The following ANO2 variants were observed in gnomAD, a reference collection of about 807,000 sequenced individuals.
ANO2 encodes the protein anoctamin 2.
ANO2 carries 101 observed loss-of-function variants against 124.2 expected under a neutral mutation model. That is an observed-to-expected ratio of 0.81 (90% CI 0.69 to 0.96). The LOEUF (loss-of-function observed/expected upper bound fraction) is 0.96, where lower values mean the gene tolerates loss of function less well. Among genes scored for constraint, ANO2 ranks in the 40% least tolerant of loss-of-function variants. The pLI is 0.00. For missense variants in ANO2, 1,293 were observed against 1,274.5 expected, an observed-to-expected ratio of 1.01 and a Z score of -0.22; for synonymous variants, 486 against 482.5, an observed-to-expected ratio of 1.01 and a Z score of -0.09.
At chr12:5,816,775 C>T (rs888956600) in intron 7 of ANO2, among the ~76,000 whole-genome samples, 1 of 152,180 alleles carries the variant, frequency 6.6e-6, no homozygotes, top group Non-Finnish European at 1.5e-5. Context: ...GCCTCCTCCC[C>T]TGTGTCCCAA....
intron 19 of ANO2, among the ~76,000 whole-genome samples, chr12:5,606,592 G>A (rs928848523): frequency 2.0e-5 from 3 of 152,162 alleles, no homozygotes; most frequent in Non-Finnish European, 4.4e-5. Context: ...AAAGCAAGTT[G>A]GTTTGGAGGA....
At chr12:5,798,765 T>C (rs1261659278) in intron 10 of ANO2, among the ~76,000 whole-genome samples, 2 of 152,230 alleles carry the variant, frequency 1.3e-5, no homozygotes, top group Non-Finnish European at 2.9e-5. Context: ...TAGCACTTAG[T>C]GGCCAGGCCC....
At chr12:5,841,770 T>G (rs1283497600) in intron 4 of ANO2, among the ~76,000 whole-genome samples, 1 of 152,210 alleles carries the variant, frequency 6.6e-6, no homozygotes, top group Non-Finnish European at 1.5e-5. Context: ...CGTCTTCTCT[T>G]CCTCTCCCCC....
intron 10 of ANO2, among the ~76,000 whole-genome samples, chr12:5,759,152 C>A (rs79322405): frequency 1.4e-3 from 194 of 136,802 alleles, no homozygotes; most frequent in East Asian, 3.6e-3. Context: ...CCAAAAGTTA[C>A]AAAAAAAAAA....
At position 5,901,421 on chromosome 12, in the gene ANO2, A is replaced by G. The variant is rs1461734978; in HGVS notation, c.534+19619T>C. Among the ~76,000 whole-genome samples the G allele has an allele frequency of 2.0e-5, 3 of 152,164 alleles. 1 individual carries two copies. Among genetic ancestry groups the G allele is most frequent in the Non-Finnish European group, 2.9e-5 (2 of 68,030 alleles). ...CTTTGCCTCCCTGGAGGCCACCACT[A>G]TGTGGACCAAGGGTTTGAGATGGCA... On this transcript the variant is annotated intron_variant, in intron 3 of 24. Transcript: ENST00000682330.
intron 10 of ANO2, among the ~76,000 whole-genome samples, chr12:5,766,475 C>T (rs1208142479): frequency 6.6e-6 from 1 of 152,178 alleles, no homozygotes; most frequent in African/African-American, 2.4e-5. Context: ...TTGTATTCTT[C>T]TATTTATATT....
chr12:5,596,518 A>C (rs1276945742), intron 20 of ANO2, among the ~76,000 whole-genome samples: 1 of 152,146 alleles, frequency 6.6e-6, no homozygotes, highest in African/African-American at 2.4e-5. Context: ...ATTCATTTTA[A>C]GGTGTGGGGT....
intron 3 of ANO2, among the ~76,000 whole-genome samples, chr12:5,880,480 A>T (rs186320155): frequency 6.6e-6 from 1 of 152,200 alleles, no homozygotes; most frequent in East Asian, 1.9e-4. Flanking sequence ...TGATACTTCA[A>T]TGACAGATAA....
chr12:5,628,419 G>A (rs910668594), intron 16 of ANO2, among the ~76,000 whole-genome samples: 1 of 152,186 alleles, frequency 6.6e-6, no homozygotes, highest in Non-Finnish European at 1.5e-5. Context: ...AAACTTTTCT[G>A]GGGAACAAGG....
At chr12:5,723,632 G>T (rs1950324411) in intron 14 of ANO2, among the ~76,000 whole-genome samples, 1 of 151,310 alleles carries the variant, frequency 6.6e-6, no homozygotes, top group Non-Finnish European at 1.5e-5. Context: ...GGGGGGCGGG[G>T]GCGCGGGTAG....
chr12:5,828,242 G>C (rs968909852), intron 6 of ANO2, among the ~76,000 whole-genome samples: 1 of 152,060 alleles, frequency 6.6e-6, no homozygotes, highest in Admixed American at 6.5e-5. Context: ...GTTCTGTCTG[G>C]CGGGTCCCGG....
chr12:5,667,472 T>C (rs1947787093), intron 14 of ANO2, among the ~76,000 whole-genome samples: 2 of 151,800 alleles, frequency 1.3e-5, no homozygotes, highest in Non-Finnish European at 2.9e-5. Flanking sequence ...TAGGATTGTA[T>C]AAGTGTGAGT....
intron 7 of ANO2, among the ~76,000 whole-genome samples, chr12:5,809,816 C>T (rs12310863): frequency 0.075 from 11,373 of 152,222 alleles, 624 homozygotes; most frequent in African/African-American, 0.16. Context: ...CTCACCTGTG[C>T]GTCTCACCGC....
intron 1 of ANO2, among the ~76,000 whole-genome samples, chr12:5,939,864 G>A (rs79996729): frequency 7.2e-5 from 11 of 152,318 alleles, no homozygotes; most frequent in Non-Finnish European, 1.2e-4. Context: ...AGGAGAACAT[G>A]GATTTTGGTA....
Position 5,921,326 on chromosome 12 carries a change from A to C in ANO2, c.248T>G (p.Leu83Trp). 3 of 1,614,008 alleles carry C rather than the reference A, an allele frequency of 1.9e-6. No homozygotes were observed. In the South Asian group the frequency reaches 3.3e-5, roughly 18 times the overall value. Residue 83 changes from leucine to tryptophan, a missense_variant, in exon 3 of 25, where the codon TTG becomes TGG. Leu to Trp is a moderately conservative substitution (Grantham distance 61, BLOSUM62 -2). Coordinates refer to ENST00000682330, the MANE Select transcript of ANO2 (RefSeq NM_001364791.2). The stretch of plus-strand genomic sequence containing the variant: ...GTGCATGCGGCTAAGACGGGCCTCC[A>C]AGGACACAGGCTCATTGGCATCCAG... ...NYLDANEPVS[L>W]EARLSRMHFH...
At chr12:5,610,732 A>G (rs998740418) in intron 19 of ANO2, among the ~76,000 whole-genome samples, 14 of 140,542 alleles carry the variant, frequency 1.0e-4, no homozygotes, top group African/African-American at 3.7e-4. Context: ...ACATATATAT[A>G]TATATATATA....
chr12:5,880,186 C>T (rs1202566018), intron 3 of ANO2, among the ~76,000 whole-genome samples: 4 of 152,220 alleles, frequency 2.6e-5, no homozygotes, highest in South Asian at 2.1e-4. Flanking sequence ...ATAAAGAAGT[C>T]GCAGGTTTTA....
chr12:5,837,293 C>CTTTTTT (rs10623130), intron 4 of ANO2, among the ~76,000 whole-genome samples: 5 of 95,526 alleles, frequency 5.2e-5, no homozygotes, highest in East Asian at 3.7e-4. Context: ...ATGCAGATTT[C>CTTTTTT]TTTTTTTTTT....
intron 19 of ANO2, among the ~76,000 whole-genome samples, chr12:5,606,148 T>G (rs1014398446): frequency 1.3e-5 from 2 of 152,182 alleles, no homozygotes; most frequent in Admixed American, 1.3e-4. Context: ...GGCTGCTGCC[T>G]GATGGAAGAT....
Sources: allele counts gnomAD v4.1 joint callset (sites outside exome capture counted in the v4.1 genomes callset), GRCh38; gene constraint gnomAD v4.1.1; transcripts MANE v1.5; gene names NCBI Gene and HGNC (gene_info 2026-07-23, HGNC 2026-07-21).